The following PARP11 variants were observed in gnomAD, a reference collection of about 807,000 sequenced individuals.
The protein encoded by PARP11 is poly(ADP-ribose) polymerase family member 11, also known as protein mono-ADP-ribosyltransferase PARP11.
A neutral mutation model predicts 42.9 loss-of-function variants in PARP11; 31 were observed. The ratio of observed to expected loss-of-function variants is 0.72; its 90% confidence interval spans 0.54 to 0.98. The LOEUF is 0.98. Ranked by LOEUF, PARP11 falls within the 50% of genes least tolerant of loss-of-function variation. The probability of loss-of-function intolerance (pLI) is 0.00; values close to 1 mark genes in which losing one functional copy is unlikely to be tolerated. For synonymous variants in PARP11, 137 were observed against 127.3 expected (o/e 1.08, Z -0.51); for missense variants, 365 against 413.1 (o/e 0.88, Z 1.01).
Position 3,872,585 on chromosome 12 carries a change from T to C in PARP11, c.18+627A>G, listed in dbSNP as rs149451448. On this transcript the variant is annotated intron_variant, in intron 1 of 7. Coordinates refer to ENST00000228820, the MANE Select transcript of PARP11 (RefSeq NM_020367.6). ...TCACTTTGTCCACCGAACGAAAACA[T>C]CTAAGAACATACAGTCCATACTCCA... is the stretch of plus-strand genomic sequence containing the variant. 62 of 985,118 alleles carry C rather than the reference T, an allele frequency of 6.3e-5. 1 individual carries two copies. The East Asian group carries it at 5.5e-3, about 87-fold the overall frequency. 61.0% of individuals were successfully genotyped at this position (985,118 alleles called of 1,614,324 possible).
At chr12:3,830,321 A>G (rs2231378) in intron 1 of PARP11, among the ~76,000 whole-genome samples, 112 of 152,320 alleles carry the variant, frequency 7.4e-4, no homozygotes, top group African/African-American at 2.2e-3. Flanking sequence ...CATAGCCCCA[A>G]GCATTTTCAA....
chr12:3,837,249 T>C (rs1591777325), intron 1 of PARP11, among the ~76,000 whole-genome samples: 1 of 152,176 alleles, frequency 6.6e-6, no homozygotes, highest in African/African-American at 2.4e-5. Flanking sequence ...GCATGGGCAG[T>C]GTCCTAATTA....
At chr12:3,836,884 T>C (rs919870655) in intron 1 of PARP11, among the ~76,000 whole-genome samples, 1 of 152,146 alleles carries the variant, frequency 6.6e-6, no homozygotes, top group African/African-American at 2.4e-5. Flanking sequence ...AACTTTCCCC[T>C]GATTCATGAT....
In PARP11 at chr12:3,856,791, G is replaced by A. The variant is rs61907101; in HGVS notation, c.18+16421C>T. ...TTTCATTACTGGGTATATACCCAAAGGATTATAAATCATGCTACTATAAAG... is the reference window on the plus strand; with the variant it reads ...TTTCATTACTGGGTATATACCCAAAAGATTATAAATCATGCTACTATAAAG... On this transcript the variant is annotated intron_variant, in intron 1 of 7. Coordinates refer to ENST00000228820, the MANE Select transcript of PARP11 (RefSeq NM_020367.6). Among the ~76,000 whole-genome samples the A allele has an allele frequency of 4.7e-3, 716 of 152,196 alleles. 1 individual carries two copies. The highest frequency in any genetic ancestry group is 7.9e-3 in the Non-Finnish European group (536 of 68,028).
rs1199231272 is a variant in PARP11, at chr12:3,814,062, A to G, written c.675T>C (p.Gly225=). 6.2e-7 allele frequency: 1 copy of G among 1,601,516 alleles called. No homozygotes were observed. The highest frequency in any genetic ancestry group is 8.5e-7 in the Non-Finnish European group (1 of 1,172,344). ...CTTTTCCAAAGACAGCACCATGTATACCATTTATTCTCCAATCAAAGTTAT... is the reference window on the plus strand; with the variant it reads ...CTTTTCCAAAGACAGCACCATGTATGCCATTTATTCTCCAATCAAAGTTAT... ...CIHNFDWRIN[G]IHGAVFGKGT... The change falls in exon 7 of 8, where the codon GGT becomes GGC. Residue 225 remains glycine, a synonymous_variant. Transcript: ENST00000228820.
intron 6 of PARP11, among the ~76,000 whole-genome samples, 164 bp downstream of exon 6, chr12:3,821,709 C>T (rs1947396380): frequency 6.6e-6 from 1 of 152,188 alleles, no homozygotes; most frequent in African/African-American, 2.4e-5. Flanking sequence ...CAGAGCACCT[C>T]TTTCACTCCC....
chr12:3,830,220 CAAGT>C lies in PARP11; in HGVS notation c.19-206_19-203del, dbSNP rs547434987. On this transcript the variant is annotated intron_variant, in intron 1 of 7. Transcript: ENST00000228820. Reference sequence around the variant, plus strand: ...GGACATCATTGCTTAACAATTTAGGCAAGTAATAATAATCTTAGGTAGAATATGC... The same window carrying C: ...GGACATCATTGCTTAACAATTTAGGCAATAATAATCTTAGGTAGAATATGC... Among the ~76,000 whole-genome samples, 317 of 152,208 alleles carry C rather than the reference CAAGT, an allele frequency of 2.1e-3. 1 individual carries two copies. The highest frequency in any genetic ancestry group is 7.0e-3 in the African/African-American group (289 of 41,530).
chr12:3,810,016 A>G lies in PARP11; in HGVS notation c.*2107T>C, dbSNP rs917553801. On this transcript the variant is annotated 3_prime_UTR_variant, in exon 8 of 8. Transcript: ENST00000228820. The stretch of plus-strand genomic sequence containing the variant: ...TGCACAATTACACATATGCTGGTCT[A>G]TAACGGAAATCTGGGATAGATGGCA... 9.8e-5 allele frequency: 15 copies of G among 152,368 alleles called. No individual in the cohort carries two copies. The highest frequency in any genetic ancestry group is 2.6e-4 in the African/African-American group (11 of 41,576). 9.4% of individuals were successfully genotyped at this position (152,368 alleles called of 1,614,324 possible). A position where few individuals can be genotyped will look rare whatever the true frequency, so the allele number is the denominator to read the frequency against.
chr12:3,813,501 A>G (rs1002737869), intron 7 of PARP11, among the ~76,000 whole-genome samples: 9 of 152,258 alleles, frequency 5.9e-5, no homozygotes, highest in African/African-American at 1.9e-4. Flanking sequence ...AATGAATTGC[A>G]AAGTCTCATA....
At chr12:3,831,578 C>A (rs1218732779) in intron 1 of PARP11, among the ~76,000 whole-genome samples, 1 of 152,016 alleles carries the variant, frequency 6.6e-6, no homozygotes, top group African/African-American at 2.4e-5. Context: ...ATGAACGAGA[C>A]AAGTTCATTT....
At chr12:3,855,839 A>T (rs1423158916) in intron 1 of PARP11, among the ~76,000 whole-genome samples, 2 of 152,232 alleles carry the variant, frequency 1.3e-5, no homozygotes, top group Non-Finnish European at 2.9e-5. Flanking sequence ...GCAAAAAGGA[A>T]CAAAGCTAGA....
chr12:3,814,264 A>G (rs1262467978), intron 6 of PARP11, 76 bp from the exon 7 acceptor site: 1 of 1,208,738 alleles, frequency 8.3e-7, no homozygotes, highest in East Asian at 2.6e-5. Context: ...CTTAATGAGC[A>G]AGGTTCAATA....
chr12:3,841,480 A>T lies in PARP11; in HGVS notation c.19-11462T>A, dbSNP rs1454658636. 3 of 1,473,042 alleles carry T rather than the reference A, an allele frequency of 2.0e-6. No individual in the cohort carries two copies. In the African/African-American group the frequency reaches 4.2e-5, roughly 20 times the overall value. 91.2% of individuals were successfully genotyped at this position (1,473,042 alleles called of 1,614,324 possible). A position where few individuals can be genotyped will look rare whatever the true frequency, so the allele number is the denominator to read the frequency against. ...TACCTGTACTGATGCCCACTTTCCT[A>T]TGCAGACTGAGGCTAGTGTTAATGG... is the stretch of plus-strand genomic sequence containing the variant. On this transcript the variant is annotated intron_variant, in intron 1 of 7. Coordinates refer to ENST00000228820, the MANE Select transcript of PARP11 (RefSeq NM_020367.6).
intron 1 of PARP11, among the ~76,000 whole-genome samples, chr12:3,855,978 C>T (rs959987387): frequency 4.6e-5 from 7 of 152,152 alleles, no homozygotes; most frequent in East Asian, 1.9e-4. Flanking sequence ...AATAACACCA[C>T]ACATCTACAA....
At chr12:3,836,100 CAAG>C (rs1350869830) in intron 1 of PARP11, among the ~76,000 whole-genome samples, 1 of 151,676 alleles carries the variant, frequency 6.6e-6, no homozygotes, top group African/African-American at 2.4e-5. Flanking sequence ...TCTACACATC[CAAG>C]AAGCTCAATA....
chr12:3,843,262 A>G (rs1947930925), intron 1 of PARP11, among the ~76,000 whole-genome samples: 2 of 152,262 alleles, frequency 1.3e-5, no homozygotes, highest in African/African-American at 4.8e-5. Flanking sequence ...AAGAATTCTT[A>G]GCACTGGTGT....
rs1398318452 is a variant in PARP11 at position 3,809,434 on chromosome 12, T to C, written c.*2689A>G. 1 of 152,216 alleles carries C rather than the reference T, an allele frequency of 6.6e-6. No individual in the cohort carries two copies. The highest frequency in any genetic ancestry group is 1.5e-5 in the Non-Finnish European group (1 of 68,036). The allele number at this position is 152,216 out of a possible 1,614,324, so 9.4% of individuals were successfully genotyped here. ...AAACCGGTATAGTACCTTCTTACAA[T>C]GGCTACTGCAGTGCATTCTACATAT... On this transcript the variant is annotated 3_prime_UTR_variant, in exon 8 of 8. Coordinates refer to ENST00000228820, the MANE Select transcript of PARP11 (RefSeq NM_020367.6).
At chr12:3,836,031 A>G (rs1170112316) in intron 1 of PARP11, among the ~76,000 whole-genome samples, 2 of 151,934 alleles carry the variant, frequency 1.3e-5, no homozygotes, top group Non-Finnish European at 2.9e-5. Flanking sequence ...ATATACACAC[A>G]CACATATATA....
chr12:3,859,854 T>C (rs897331841), intron 1 of PARP11, among the ~76,000 whole-genome samples: 4 of 152,132 alleles, frequency 2.6e-5, no homozygotes, highest in South Asian at 2.1e-4. Flanking sequence ...CTATAAAAAG[T>C]AGGGTCATTT....
Sources: gnomAD v4.1 joint callset for allele counts (sites outside exome capture counted in the v4.1 genomes callset) on GRCh38, gnomAD v4.1.1 for gene constraint, MANE v1.5 for transcripts, NCBI Gene and HGNC (gene_info 2026-07-23, HGNC 2026-07-21) for gene names.